Variants in SAMD12 observed in about 807,000 individuals in gnomAD.
SAMD12 encodes the protein sterile alpha motif domain containing 12.
SAMD12 carries 9 observed loss-of-function variants against 15.0 expected under a neutral mutation model. That is an observed-to-expected ratio of 0.60 (90% CI 0.36 to 1.05). The LOEUF (loss-of-function observed/expected upper bound fraction) is 1.05. Among genes scored for constraint, SAMD12 ranks in the 50% least tolerant of loss-of-function variants. SAMD12 has a pLI of 0.01. For missense variants in SAMD12, 230 were observed against 234.2 expected, an observed-to-expected ratio of 0.98 and a Z score of 0.12; for synonymous variants, 86 against 90.1, an observed-to-expected ratio of 0.96 and a Z score of 0.25.
intron 2 of SAMD12, among the ~76,000 whole-genome samples, chr8:118,442,183 ATGG>A (rs1363811214): frequency 2.6e-5 from 4 of 152,202 alleles, no homozygotes; most frequent in African/African-American, 9.6e-5. Context: ...AGTGGAATAC[ATGG>A]TGAAGATGGG....
At chr8:118,175,843 G>A in the SAMD12 span, among the ~76,000 whole-genome samples, 4 of 152,266 alleles carry the variant, frequency 2.6e-5, no homozygotes, top group South Asian at 2.1e-4. Context: ...AGTAACAGAC[G>A]CTGGCAAGAT....
intron 4 of SAMD12, among the ~76,000 whole-genome samples, chr8:118,288,618 C>A (rs1483544048): frequency 1.3e-5 from 2 of 152,150 alleles, no homozygotes; most frequent in African/African-American, 4.8e-5. Context: ...TTTTTAATTT[C>A]ATGACTAGTA....
intron 2 of SAMD12, among the ~76,000 whole-genome samples, chr8:118,493,711 G>A (rs1195411469): frequency 6.6e-6 from 1 of 152,154 alleles, no homozygotes; most frequent in African/African-American, 2.4e-5. Context: ...AGACCCACAA[G>A]TTGAAGGTCA....
chr8:118,217,027 C>T (rs770964491), intron 4 of SAMD12, among the ~76,000 whole-genome samples: 19 of 152,006 alleles, frequency 1.2e-4, no homozygotes, highest in South Asian at 6.2e-4. Context: ...TTTTTTGAGA[C>T]GGAGTCTCGC....
chr8:118,334,131 A>G (rs1377812509), intron 4 of SAMD12, among the ~76,000 whole-genome samples: 1 of 152,192 alleles, frequency 6.6e-6, no homozygotes. Context: ...GGAAGAAGCT[A>G]TTAATACTTA....
intron 4 of SAMD12, among the ~76,000 whole-genome samples, chr8:118,349,924 T>G (rs936778359): frequency 4.6e-5 from 7 of 152,154 alleles, no homozygotes; most frequent in African/African-American, 7.2e-5. Context: ...GCCCAGGAGT[T>G]TGAGGCCAGC....
the SAMD12 span, among the ~76,000 whole-genome samples, chr8:118,148,264 A>G: frequency 6.6e-6 from 1 of 151,690 alleles, no homozygotes; most frequent in Admixed American, 6.6e-5. Context: ...GAGTCTTGCT[A>G]TGCTGCTCAG....
chr8:118,301,658 A>G (rs1815030801), intron 4 of SAMD12, among the ~76,000 whole-genome samples: 1 of 152,246 alleles, frequency 6.6e-6, no homozygotes, highest in Non-Finnish European at 1.5e-5. Flanking sequence ...TGCTAAAATG[A>G]CATCTGTCGT....
At chr8:118,404,736 G>T (rs1209155956) in intron 3 of SAMD12, among the ~76,000 whole-genome samples, 1 of 152,172 alleles carries the variant, frequency 6.6e-6, no homozygotes, top group African/African-American at 2.4e-5. Context: ...CATAAATGAG[G>T]CTGAGAAAGG....
intron 4 of SAMD12, among the ~76,000 whole-genome samples, chr8:118,304,980 C>T (rs971509090): frequency 2.0e-5 from 3 of 150,186 alleles, no homozygotes; most frequent in African/African-American, 7.3e-5. Context: ...AAAACCCTGT[C>T]TCTATCAAAA....
At chr8:118,272,896 T>A (rs1344924837) in intron 4 of SAMD12, among the ~76,000 whole-genome samples, 4 of 152,186 alleles carry the variant, frequency 2.6e-5, no homozygotes, top group Non-Finnish European at 4.4e-5. Context: ...TCTCCTGAGC[T>A]CTCCAAGTGT....
chr8:118,269,896 G>A (rs777003434), intron 4 of SAMD12, among the ~76,000 whole-genome samples: 9 of 152,074 alleles, frequency 5.9e-5, no homozygotes, highest in Admixed American at 2.0e-4. Flanking sequence ...CCCAATGTGC[G>A]CAACCCTGGC....
chr8:118,481,263 G>A (rs376281513), intron 2 of SAMD12, among the ~76,000 whole-genome samples: 1 of 152,102 alleles, frequency 6.6e-6, no homozygotes, highest in African/African-American at 2.4e-5. Flanking sequence ...CCATTCTACA[G>A]CAATTTCTAA....
rs181811653 is a variant in SAMD12, at chr8:118,433,788, T to C, written c.322+6044A>G. Among the ~76,000 whole-genome samples the C allele has an allele frequency of 3.7e-3, 566 of 152,274 alleles. 4 individuals carry two copies. Among genetic ancestry groups the C allele is most frequent in the Non-Finnish European group, 5.8e-3 (393 of 68,016 alleles). On this transcript the variant is annotated intron_variant, in intron 3 of 3. Coordinates refer to ENST00000314727, the MANE Select transcript of SAMD12 (RefSeq NM_207506.3). ...AAACAAATACAAAGAGATAGGAAAGTAGATCACAATATCCAGAGCAGAAGT... is the reference window on the plus strand; with the variant it reads ...AAACAAATACAAAGAGATAGGAAAGCAGATCACAATATCCAGAGCAGAAGT...
At chr8:118,412,259 T>G (rs532869010) in intron 3 of SAMD12, among the ~76,000 whole-genome samples, 2 of 152,164 alleles carry the variant, frequency 1.3e-5, no homozygotes, top group Non-Finnish European at 2.9e-5. Flanking sequence ...GATAGTTCAC[T>G]GATATTCAGA....
At chr8:118,538,091 A>G (rs945306417) in intron 2 of SAMD12, among the ~76,000 whole-genome samples, 22 of 152,274 alleles carry the variant, frequency 1.4e-4, no homozygotes, top group African/African-American at 5.3e-4. Context: ...AATCCAGAAG[A>G]ATTCCCTGGA....
intron 1 of SAMD12, among the ~76,000 whole-genome samples, chr8:118,598,001 C>A (rs1427608376): frequency 6.6e-6 from 1 of 152,150 alleles, no homozygotes; most frequent in Non-Finnish European, 1.5e-5. Flanking sequence ...GAATAGGATG[C>A]CTCTTCTGTG....
intron 2 of SAMD12, among the ~76,000 whole-genome samples, chr8:118,576,198 C>A (rs1827147420): frequency 6.6e-6 from 1 of 152,174 alleles, no homozygotes; most frequent in African/African-American, 2.4e-5. Flanking sequence ...ACAGCAGCTC[C>A]TGGAAACATG....
chr8:118,195,013 A>C (rs1819518750), exon 5 of SAMD12: 1 of 152,162 alleles, frequency 6.6e-6, no homozygotes, highest in African/African-American at 2.4e-5. Context: ...ATTTTTAGAG[A>C]TACAGTCTTC....
Sources: gnomAD v4.1 joint callset for allele counts (sites outside exome capture counted in the v4.1 genomes callset) on GRCh38, gnomAD v4.1.1 for gene constraint, MANE v1.5 for transcripts, NCBI Gene and HGNC (gene_info 2026-07-23, HGNC 2026-07-21) for gene names.